Variants in ATRN observed in about 807,000 individuals in gnomAD.
ATRN encodes attractin-2.
Under a neutral mutation model 178.7 loss-of-function variants are expected in ATRN, and 54 were observed. The observed-to-expected ratio is 0.30, with a 90% CI of 0.24 to 0.38. ATRN has a LOEUF of 0.38. Among genes scored for constraint, ATRN ranks in the 10% least tolerant of loss-of-function variants. ATRN has a pLI of 1.00. For synonymous variants in ATRN, 636 were observed against 663.0 expected (o/e 0.96, Z 0.63); for missense variants, 1,443 against 1,815.1 (o/e 0.79, Z 3.73).
chr20:3,548,362 AGGCCAAGGCAGGC>A (rs1215873944), intron 5 of ATRN, among the ~76,000 whole-genome samples: 3 of 152,216 alleles, frequency 2.0e-5, no homozygotes, highest in African/African-American at 4.8e-5. Flanking sequence ...GCACTTTGGG[AGGCCAAGGCAGGC>A]GGCTCACTGA....
intron 1 of ATRN, among the ~76,000 whole-genome samples, chr20:3,524,121 TAA>T: frequency 6.6e-6 from 1 of 151,004 alleles, no homozygotes; most frequent in Non-Finnish European, 1.5e-5. Context: ...ACAAATTGGA[TAA>T]AGAGTCAAGA....
intron 18 of ATRN, among the ~76,000 whole-genome samples, chr20:3,588,331 A>G (rs1030629226): frequency 6.6e-5 from 10 of 152,102 alleles, no homozygotes; most frequent in Non-Finnish European, 4.4e-5. Context: ...TTTTTTATAC[A>G]TGCCCTTTAT....
chr20:3,492,449 T>C (rs1353047904), intron 1 of ATRN, among the ~76,000 whole-genome samples: 2 of 152,104 alleles, frequency 1.3e-5, no homozygotes, highest in African/African-American at 2.4e-5. Flanking sequence ...TTAGGAATGT[T>C]GTTCTGCTGT....
intron 22 of ATRN, 82 bp downstream of exon 22, chr20:3,598,082 T>G: frequency 2.3e-6 from 2 of 875,876 alleles, no homozygotes; most frequent in Non-Finnish European, 3.8e-6. Flanking sequence ...ACGTACTGCC[T>G]TAACAGTGCT....
At chr20:3,560,445 A>G (rs559331505) in intron 7 of ATRN, among the ~76,000 whole-genome samples, 119 of 152,306 alleles carry the variant, frequency 7.8e-4, no homozygotes, top group Non-Finnish European at 1.3e-3. Flanking sequence ...TTGTGCTGCA[A>G]TTAACATGGG....
rs1568672939 is a variant in ATRN, at chr20:3,471,370, C to CGGCGGT, written c.265_270dup (p.Ala89_Val90dup). Reference sequence around the variant, plus strand: ...GAGGCCGAGGCCGCGGCGGCGGCGGCGGCGGTGTCGGGCTCAGCCGCAGCC... The same window carrying CGGCGGT: ...GAGGCCGAGGCCGCGGCGGCGGCGGCGGCGGTGGCGGTGTCGGGCTCAGCCGCAGCC... On this transcript the variant is annotated inframe_insertion, in exon 1 of 29. Transcript: ENST00000262919. 5 of 1,481,712 alleles carry CGGCGGT rather than the reference C, an allele frequency of 3.4e-6. No individual in the cohort carries two copies. Among genetic ancestry groups the CGGCGGT allele is most frequent in the Admixed American group, 2.4e-5 (1 of 41,048 alleles). The allele number at this position is 1,481,712 out of a possible 1,614,324, so 91.8% of individuals were successfully genotyped here.
intron 6 of ATRN, among the ~76,000 whole-genome samples, chr20:3,552,245 C>T (rs1437230836): frequency 1.3e-5 from 2 of 152,124 alleles, no homozygotes; most frequent in African/African-American, 4.8e-5. Context: ...TTTTGGTGAC[C>T]TCATATAGTA....
chr20:3,500,862 AAAAAAT>A (rs1301598846), intron 1 of ATRN, among the ~76,000 whole-genome samples: 7 of 152,214 alleles, frequency 4.6e-5, no homozygotes, highest in East Asian at 1.9e-4. Flanking sequence ...AAAAAATTTA[AAAAAAT>A]AAAAATAAAA....
intron 1 of ATRN, among the ~76,000 whole-genome samples, chr20:3,485,367 G>C (rs1294135440): frequency 2.0e-5 from 3 of 151,962 alleles, no homozygotes; most frequent in Non-Finnish European, 4.4e-5. Context: ...TATCAATGTA[G>C]GACATTGTTG....
rs561799005 is a variant in ATRN, at chr20:3,599,874, G to A, written c.3565-1072G>A. Among the ~76,000 whole-genome samples the A allele has an allele frequency of 1.4e-4, 22 of 152,248 alleles. No homozygotes were observed. The South Asian group carries it at 4.4e-3, about 30-fold the overall frequency. Reference sequence around the variant, plus strand: ...TGAGGTCTTATCAGTAAATGAGAAGGTAAATGCTTTGTGAGAGAAACTTCT... The same window carrying A: ...TGAGGTCTTATCAGTAAATGAGAAGATAAATGCTTTGTGAGAGAAACTTCT... On this transcript the variant is annotated intron_variant, in intron 22 of 28. Coordinates refer to ENST00000262919, the MANE Select transcript of ATRN (RefSeq NM_139321.3).
chr20:3,619,460 C>G (rs1256476584), intron 24 of ATRN, among the ~76,000 whole-genome samples: 3 of 152,232 alleles, frequency 2.0e-5, no homozygotes, highest in African/African-American at 7.2e-5. Flanking sequence ...GTCCTTTCTT[C>G]TCTCTTTTCA....
At chr20:3,620,909 C>T (rs2086892254) in intron 24 of ATRN, among the ~76,000 whole-genome samples, 1 of 152,232 alleles carries the variant, frequency 6.6e-6, no homozygotes, top group South Asian at 2.1e-4. Context: ...CCGCGGGCTA[C>T]ATGCAGCCCA....
At chr20:3,613,884 A>G (rs1168886862) in intron 24 of ATRN, among the ~76,000 whole-genome samples, 2 of 152,032 alleles carry the variant, frequency 1.3e-5, no homozygotes, top group African/African-American at 4.8e-5. Flanking sequence ...TGAGATTCTC[A>G]TTTTTTTAAA....
At chr20:3,587,927 C>T (rs548724907) in intron 18 of ATRN, among the ~76,000 whole-genome samples, 2 of 152,258 alleles carry the variant, frequency 1.3e-5, no homozygotes, top group Admixed American at 1.3e-4. Context: ...CTCACTGCAG[C>T]CTCCGCTTTC....
chr20:3,476,131 C>T (rs1041788082), intron 1 of ATRN, among the ~76,000 whole-genome samples: 4 of 152,118 alleles, frequency 2.6e-5, no homozygotes, highest in Admixed American at 6.5e-5. Context: ...GGCAACAAAG[C>T]GAGACCCTTG....
chr20:3,577,433 C>T (rs1005071481), intron 14 of ATRN, among the ~76,000 whole-genome samples: 3 of 152,170 alleles, frequency 2.0e-5, no homozygotes, highest in African/African-American at 7.2e-5. Flanking sequence ...ATACTTCTGT[C>T]AGCAGCACCT....
intron 25 of ATRN, 48 bp downstream of exon 25, chr20:3,624,620 A>G (rs750757158): frequency 7.1e-7 from 1 of 1,407,878 alleles, no homozygotes; most frequent in African/African-American, 1.4e-5. Flanking sequence ...TTTAGGCACT[A>G]GATCCATTAA....
rs550511246 is a variant in ATRN, at chr20:3,489,947, C to A, written c.410+18430C>A. 14 of 1,093,220 alleles carry A rather than the reference C, an allele frequency of 1.3e-5. No homozygotes were observed. The African/African-American group carries it at 1.8e-4, about 14-fold the overall frequency. The allele number at this position is 1,093,220 out of a possible 1,614,324, so 67.7% of individuals were successfully genotyped here. On this transcript the variant is annotated intron_variant, in intron 1 of 28. Transcript: ENST00000262919. ...CATCTTCACTCTCACTCTTACTGAT[C>A]TGCTCTTCTTGCTCTTCTCCTGTCC...
intron 25 of ATRN, among the ~76,000 whole-genome samples, chr20:3,627,158 T>G (rs938788751): frequency 2.6e-5 from 4 of 152,174 alleles, no homozygotes; most frequent in African/African-American, 9.7e-5. Flanking sequence ...ACTGAAAACT[T>G]GTGGGTTGCA....
Sources: allele counts gnomAD v4.1 joint callset (sites outside exome capture counted in the v4.1 genomes callset), GRCh38; gene constraint gnomAD v4.1.1; transcripts MANE v1.5; gene names NCBI Gene and HGNC (gene_info 2026-07-23, HGNC 2026-07-21).